The following ARHGAP1 variants were observed in gnomAD, a reference collection of about 807,000 sequenced individuals.
ARHGAP1 encodes the protein rho GTPase-activating protein 1.
ARHGAP1 carries 23 observed loss-of-function variants against 52.2 expected under a neutral mutation model. That is an observed-to-expected ratio of 0.44 (90% CI 0.32 to 0.62). The LOEUF is 0.62. ARHGAP1 is among the 20% of genes least tolerant of loss of function. The pLI is 0.05. For missense variants in ARHGAP1, 480 were observed against 560.9 expected (o/e 0.86, Z 1.46); for synonymous variants, 210 against 228.4 (o/e 0.92, Z 0.73).
chr11:46,695,149 T>A (rs1188052334), intron 3 of ARHGAP1: 19 of 321,982 alleles, frequency 5.9e-5, no homozygotes, highest in Non-Finnish European at 1.0e-4. Flanking sequence ...AGCGGGGCTC[T>A]GTACCCACTC....
chr11:46,682,227 C>T (rs770854052), intron 4 of ARHGAP1, 45 bp from the exon 5 acceptor site: 34 of 1,597,250 alleles, frequency 2.1e-5, no homozygotes, highest in Non-Finnish European at 2.7e-5. Flanking sequence ...TGCACAGGGG[C>T]GGCCCCACGA....
At chr11:46,692,447 T>C (rs955345518) in intron 3 of ARHGAP1, among the ~76,000 whole-genome samples, 4 of 152,212 alleles carry the variant, frequency 2.6e-5, no homozygotes, top group African/African-American at 4.8e-5. Context: ...GCAGGCCTCA[T>C]TGGCTGGCAG....
Position 46,680,340 on chromosome 11 carries a change from G to GC in ARHGAP1, c.821-59dup, listed in dbSNP as rs956678876. 1.3e-6 allele frequency: 2 copies of GC among 1,596,296 alleles called. No individual in the cohort carries two copies. Among genetic ancestry groups the GC allele is most frequent in the East Asian group, 4.5e-5 (2 of 44,750 alleles). On this transcript the variant is annotated intron_variant, in intron 9 of 12. Transcript: ENST00000311956. The surrounding 1 kb of genome is among the most constrained non-coding windows in gnomAD (Gnocchi z 5.9). ...GCGCTGGGCACCGGCTGGATTCCCTGCCCCTTCTCTGTCTTGGGGTTCTAG... is the reference window on the plus strand; with the variant it reads ...GCGCTGGGCACCGGCTGGATTCCCTGCCCCCTTCTCTGTCTTGGGGTTCTAG...
Position 46,696,056 on chromosome 11 carries a change from C to G in ARHGAP1, c.52G>C (p.Glu18Gln). The G allele has an allele frequency of 5.6e-6, 9 of 1,613,388 alleles. No homozygotes were observed. Among genetic ancestry groups the G allele is most frequent in the Non-Finnish European group, 7.6e-6 (9 of 1,179,744 alleles). The change falls in exon 2 of 13, where the codon GAG becomes CAG. Residue 18 changes from glutamate to glutamine, a missense_variant. Coordinates refer to ENST00000311956, the MANE Select transcript of ARHGAP1 (RefSeq NM_004308.5). The surrounding 1 kb of genome is among the most constrained non-coding windows in gnomAD (Gnocchi z 4.8). ...GCCAGCTTCAGCTGGTTCAGAGCCT[C>G]GCTGGTGTCATCCAAGGTCAGATCA... Reference protein sequence around the residue: ...QDDLTLDDTSEALNQLKLASI... With the variant: ...QDDLTLDDTSQALNQLKLASI...
chr11:46,692,575 T>C (rs1450201974), intron 3 of ARHGAP1, among the ~76,000 whole-genome samples: 1 of 152,182 alleles, frequency 6.6e-6, no homozygotes, highest in African/African-American at 2.4e-5. Context: ...GTGTCTCCTC[T>C]CAGCTGGCCA....
intron 3 of ARHGAP1, among the ~76,000 whole-genome samples, chr11:46,692,539 G>A (rs190777503): frequency 1.3e-5 from 2 of 152,174 alleles, no homozygotes; most frequent in Non-Finnish European, 2.9e-5. Flanking sequence ...TAGGGAAGCT[G>A]TTGGGGGGAG....
Position 46,679,690 on chromosome 11 carries a change from G to A in ARHGAP1, c.985C>T (p.Leu329=). Residue 329 remains leucine (L), a synonymous_variant, in exon 11 of 13, where the codon CTG becomes TTG. Transcript: ENST00000311956. This position sits in a 1 kb window ranked among gnomAD's most constrained non-coding sequence, Gnocchi z 4.4. ...TGGGGGTAGAGGTCAAAGGTGAGCAGGGGCTCAGGAAGCTCCCGGAGGAAG... is the reference window on the plus strand; with the variant it reads ...TGGGGGTAGAGGTCAAAGGTGAGCAAGGGCTCAGGAAGCTCCCGGAGGAAG... The part of the protein sequence containing the change: ...KTFLRELPEP[L]LTFDLYPHVV... The A allele has an allele frequency of 6.2e-7, 1 of 1,614,176 alleles. No homozygotes were observed. Among genetic ancestry groups the A allele is most frequent in the Non-Finnish European group, 8.5e-7 (1 of 1,180,016 alleles).
Position 46,696,212 on chromosome 11 carries a change from G to A in ARHGAP1, c.-49-56C>T, listed in dbSNP as rs2064653341. ...GTGACCTGCTCTTTTCACCTTCTGC[G>A]ACCTCCACCGCGTGCCCTCCTGCCC... On this transcript the variant is annotated intron_variant, in intron 1 of 12. Coordinates refer to ENST00000311956, the MANE Select transcript of ARHGAP1 (RefSeq NM_004308.5). The surrounding 1 kb of genome is among the most constrained non-coding windows in gnomAD (Gnocchi z 4.8). 1.7e-5 allele frequency: 22 copies of A among 1,286,310 alleles called. No homozygotes were observed. The highest frequency in any genetic ancestry group is 2.5e-4 in the Middle Eastern group (1 of 4,042). The allele number at this position is 1,286,310 out of a possible 1,614,324, so 79.7% of individuals were successfully genotyped here.
Position 46,678,942 on chromosome 11 carries a change from C to CA in ARHGAP1, c.*94dup. On this transcript the variant is annotated 3_prime_UTR_variant, in exon 13 of 13. Coordinates refer to ENST00000311956, the MANE Select transcript of ARHGAP1 (RefSeq NM_004308.5). ...GAGCATGCCTGATGGGTGGCTCCAACATCTCTCTCCAGGGGGCTTCATGGC... is the reference window on the plus strand; with the variant it reads ...GAGCATGCCTGATGGGTGGCTCCAACAATCTCTCTCCAGGGGGCTTCATGGC... The CA allele has an allele frequency of 5.1e-6, 7 of 1,386,118 alleles. No individual in the cohort carries two copies. The highest frequency in any genetic ancestry group is 6.9e-6 in the Non-Finnish European group (7 of 1,016,332). 85.9% of individuals were successfully genotyped at this position (1,386,118 alleles called of 1,614,324 possible).
At chr11:46,692,051 G>A (rs1334908468) in intron 3 of ARHGAP1, among the ~76,000 whole-genome samples, 4 of 152,208 alleles carry the variant, frequency 2.6e-5, no homozygotes, top group Non-Finnish European at 5.9e-5. Context: ...CTGTTTTGAA[G>A]GACCAGGTGG....
At chr11:46,690,778 T>G (rs1483855808) in intron 3 of ARHGAP1, among the ~76,000 whole-genome samples, 1 of 152,126 alleles carries the variant, frequency 6.6e-6, no homozygotes, top group Non-Finnish European at 1.5e-5. Flanking sequence ...TGTAGAATTG[T>G]TTATGTACCT....
Position 46,680,882 on chromosome 11 carries a change from A to C in ARHGAP1, c.635+129T>G. 9.2e-7 allele frequency: 1 copy of C among 1,090,000 alleles called. No homozygotes were observed. The highest frequency in any genetic ancestry group is 1.5e-5 in the South Asian group (1 of 68,464). The allele number at this position is 1,090,000 out of a possible 1,614,324, so 67.5% of individuals were successfully genotyped here. A position where few individuals can be genotyped will look rare whatever the true frequency, so the allele number is the denominator to read the frequency against. ...CTGTAACAACTCCGCTTTCCACAGC[A>C]GAAAGCAAAGACCTGGGAGAGGTCG... On this transcript the variant is annotated intron_variant, in intron 7 of 12. Coordinates refer to ENST00000311956, the MANE Select transcript of ARHGAP1 (RefSeq NM_004308.5). The surrounding 1 kb of genome is among the most constrained non-coding windows in gnomAD (Gnocchi z 5.9).
Position 46,698,646 on chromosome 11 carries a change from G to A in ARHGAP1, c.-50+1905C>T, listed in dbSNP as rs952019941. Among the ~76,000 whole-genome samples the A allele has an allele frequency of 2.6e-5, 4 of 150,980 alleles. No homozygotes were observed. In the East Asian group the frequency reaches 7.7e-4, roughly 29 times the overall value. ...AAAGGAGCAGCTGGGAGCTGGGGTG[G>A]ATGTGAAGGAGGGAGAAGGACACCA... On this transcript the variant is annotated intron_variant, in intron 1 of 12. Transcript: ENST00000311956.
intron 3 of ARHGAP1, among the ~76,000 whole-genome samples, chr11:46,692,953 C>T (rs543193890): frequency 6.6e-6 from 1 of 151,832 alleles, no homozygotes; most frequent in South Asian, 2.1e-4. Context: ...CCCGGGTTCA[C>T]GCTATTCTCC....
intron 4 of ARHGAP1, among the ~76,000 whole-genome samples, chr11:46,685,642 G>A (rs1315196624): frequency 1.4e-5 from 2 of 146,668 alleles, no homozygotes; most frequent in African/African-American, 5.1e-5. Flanking sequence ...CTTACCTAAT[G>A]CCCACAACAG....
chr11:46,686,986 G>A (rs1407757740), intron 4 of ARHGAP1: 2 of 152,350 alleles, frequency 1.3e-5, no homozygotes, highest in Non-Finnish European at 2.9e-5. Flanking sequence ...TGAAGCCAAG[G>A]ACGCCCTGGG....
chr11:46,693,875 T>C (rs1359053620), intron 3 of ARHGAP1, among the ~76,000 whole-genome samples: 2 of 152,142 alleles, frequency 1.3e-5, no homozygotes, highest in Non-Finnish European at 2.9e-5. Flanking sequence ...AAACTGCAAA[T>C]GCTACAAATC....
chr11:46,678,012 C>A lies in ARHGAP1; in HGVS notation c.*1025G>T. ...GGGGAAATTGCTAGAACCCACCTAT[C>A]TGGACTGACCTATCAGCACAATCTC... On this transcript the variant is annotated 3_prime_UTR_variant, in exon 13 of 13. Coordinates refer to ENST00000311956, the MANE Select transcript of ARHGAP1 (RefSeq NM_004308.5). 1 of 420,562 alleles carries A rather than the reference C, an allele frequency of 2.4e-6. No individual in the cohort carries two copies. Among genetic ancestry groups the A allele is most frequent in the Admixed American group, 3.0e-5 (1 of 33,472 alleles). 26.1% of individuals were successfully genotyped at this position (420,562 alleles called of 1,614,324 possible).
chr11:46,682,566 C>G (rs1416720229), intron 4 of ARHGAP1, among the ~76,000 whole-genome samples: 1 of 152,174 alleles, frequency 6.6e-6, no homozygotes, highest in Non-Finnish European at 1.5e-5. Context: ...GGCCTGTAAT[C>G]CCAGCTACTC....
Sources: gnomAD v4.1 joint callset for allele counts (sites outside exome capture counted in the v4.1 genomes callset) on GRCh38, gnomAD v4.1.1 for gene constraint, Gnocchi (gnomAD v3.1) non-coding constraint, MANE v1.5 for transcripts, NCBI Gene and HGNC (gene_info 2026-07-23, HGNC 2026-07-21) for gene names.